Variants in PHEX observed in about 807,000 individuals in gnomAD.
PHEX encodes the protein phosphate regulating endopeptidase X-linked.
Under a neutral mutation model 68.0 loss-of-function variants are expected in PHEX, and 16 were observed. The ratio of observed to expected loss-of-function variants is 0.24; its 90% confidence interval spans 0.16 to 0.36. The LOEUF (loss-of-function observed/expected upper bound fraction) is 0.36. Ranked by LOEUF, PHEX falls within the 10% of genes least tolerant of loss-of-function variation. The pLI, the probability that PHEX is intolerant of heterozygous loss-of-function variation, is 1.00. For synonymous variants in PHEX, 208 were observed against 205.1 expected (o/e 1.01, Z -0.12); for missense variants, 480 against 575.5 (o/e 0.83, Z 1.70).
chrX:22,062,921 T>C (rs763197423), intron 3 of PHEX, among the ~76,000 whole-genome samples: 4 of 110,763 alleles, frequency 3.6e-5, no homozygotes, highest in African/African-American at 1.3e-4. Flanking sequence ...CCACCATGCC[T>C]GGCTAATTTT....
At chrX:22,201,824 A>C (rs957554205) in intron 15 of PHEX, among the ~76,000 whole-genome samples, 1 of 111,524 alleles carries the variant, frequency 9.0e-6, no homozygotes, top group Non-Finnish European at 1.9e-5. Flanking sequence ...AACCTGATTA[A>C]AGACAGGATG....
intron 18 of PHEX, among the ~76,000 whole-genome samples, chrX:22,226,074 C>G (rs1385887336): frequency 8.9e-6 from 1 of 112,060 alleles, no homozygotes; most frequent in Non-Finnish European, 1.9e-5. Flanking sequence ...GAAGAATACT[C>G]AAATTATGTG....
chrX:22,224,618 G>T (rs148329473), intron 18 of PHEX, among the ~76,000 whole-genome samples: 3,465 of 110,925 alleles, frequency 0.031, 136 homozygotes, highest in African/African-American at 0.11. Flanking sequence ...CTACACTCTC[G>T]GAGCTTTAGA....
At chrX:22,089,974 T>C (rs918719798) in intron 5 of PHEX, among the ~76,000 whole-genome samples, 3 of 112,259 alleles carry the variant, frequency 2.7e-5, no homozygotes, top group African/African-American at 6.5e-5. Flanking sequence ...TCTATACAGA[T>C]TGGCATTTTG....
At chrX:22,048,433 T>C (rs1927646449) in intron 3 of PHEX, among the ~76,000 whole-genome samples, 1 of 111,561 alleles carries the variant, frequency 9.0e-6, no homozygotes, top group Admixed American at 9.6e-5. Context: ...ATTTCCTATT[T>C]CCCTTCTCTG....
At chrX:22,072,474 T>G (rs1428662456) in intron 3 of PHEX, among the ~76,000 whole-genome samples, 1 of 111,900 alleles carries the variant, frequency 8.9e-6, no homozygotes, top group Non-Finnish European at 1.9e-5. Flanking sequence ...GGCAGAGATT[T>G]CTTGAACGGG....
chrX:22,087,627 G>A (rs773219723), intron 5 of PHEX, among the ~76,000 whole-genome samples: 7 of 111,746 alleles, frequency 6.3e-5, no homozygotes, highest in Admixed American at 1.9e-4. Flanking sequence ...ATAGTAAGAC[G>A]AAAAAGAAGC....
chrX:22,133,496 G>C, intron 11 of PHEX, 27 bp from the exon 12 acceptor site: 1 of 1,139,810 alleles, frequency 8.8e-7, no homozygotes, highest in Non-Finnish European at 1.2e-6. Flanking sequence ...TGGCTTTGAC[G>C]TTCCCTCTTT....
At chrX:22,220,171 A>G (rs1353302990) in intron 17 of PHEX, among the ~76,000 whole-genome samples, 1 of 111,340 alleles carries the variant, frequency 9.0e-6, no homozygotes, top group East Asian at 2.8e-4. Flanking sequence ...ATACCCACAC[A>G]GTGATTTACA....
At position 22,196,529 on chromosome X, in the gene PHEX, T is replaced by C. The variant is rs193135851; in HGVS notation, c.1645+6027T>C. ...AAAACAGGTGGCAATATTCAGGTAG[T>C]GGTAGTGGTGGGAAGAGTGAACAGC... is the stretch of plus-strand genomic sequence containing the variant. On this transcript the variant is annotated intron_variant, in intron 15 of 21. Transcript: ENST00000379374. Among the ~76,000 whole-genome samples the C allele has an allele frequency of 2.7e-5, 3 of 112,414 alleles. No homozygotes were observed. The East Asian group carries it at 8.4e-4, about 31-fold the overall frequency.
intron 13 of PHEX, among the ~76,000 whole-genome samples, chrX:22,175,963 A>G (rs1440278103): frequency 6.3e-5 from 7 of 111,723 alleles, no homozygotes; most frequent in Admixed American, 5.8e-4. Context: ...AGGGTTGAAC[A>G]GTGGACACAT....
Position 22,133,397 on chromosome X carries a change from C to G in PHEX, c.1303-126C>G, listed in dbSNP as rs1024334753. 10 of 524,450 alleles carry G rather than the reference C, an allele frequency of 1.9e-5. No individual in the cohort carries two copies. In the Admixed American group the frequency reaches 2.0e-4, roughly 10 times the overall value. 43.2% of individuals were successfully genotyped at this position (524,450 alleles called of 1,213,427 possible). A position where few individuals can be genotyped will look rare whatever the true frequency, so the allele number is the denominator to read the frequency against. On this transcript the variant is annotated intron_variant, in intron 11 of 21. Transcript: ENST00000379374. Reference sequence around the variant, plus strand: ...AGTGTTGCCAGAGCATGGAGTCAAGCTGAAAGAACCCCTTACTTACCATGT... The same window carrying G: ...AGTGTTGCCAGAGCATGGAGTCAAGGTGAAAGAACCCCTTACTTACCATGT...
intron 2 of PHEX, among the ~76,000 whole-genome samples, chrX:22,042,685 C>T (rs906477799): frequency 9.0e-6 from 1 of 110,932 alleles, no homozygotes; most frequent in Non-Finnish European, 1.9e-5. Flanking sequence ...CCTGGGAGGC[C>T]GAGGCAGGAC....
chrX:22,210,933 A>G (rs1272682163), intron 15 of PHEX, among the ~76,000 whole-genome samples: 1 of 109,218 alleles, frequency 9.2e-6, no homozygotes, highest in Non-Finnish European at 1.9e-5. Flanking sequence ...GTGTTCTGAC[A>G]TGGAGGAGAG....
In PHEX at chrX:22,065,246, C is replaced by T. The variant is rs750510372; in HGVS notation, c.350-11142C>T. 3.6e-5 allele frequency among the ~76,000 whole-genome samples: 4 copies of T among 111,670 alleles called. No individual in the cohort carries two copies. In the Admixed American group the frequency reaches 3.8e-4, roughly 11 times the overall value. ...TGAACAGTTAAAATAGGTGTAGGGA[C>T]TGATATTTATGAAAGAGAGCAGCAC... On this transcript the variant is annotated intron_variant, in intron 3 of 21. Coordinates refer to ENST00000379374, the MANE Select transcript of PHEX (RefSeq NM_000444.6).
chrX:22,185,756 G>GTTTTTTTTTTTTTTTTTTTTTTTTTTTT (rs3085228), intron 14 of PHEX, among the ~76,000 whole-genome samples: 1 of 87,796 alleles, frequency 1.1e-5, no homozygotes, highest in Admixed American at 1.2e-4. Flanking sequence ...CTCGTTTGTG[G>GTTTTTTTTTTTTTTTTTTTTTTTTTTTT]TTTTTTTTTT....
At chrX:22,220,049 G>A (rs930646961) in intron 17 of PHEX, among the ~76,000 whole-genome samples, 7 of 112,229 alleles carry the variant, frequency 6.2e-5, no homozygotes, top group Non-Finnish European at 1.1e-4. Context: ...TCCTTTGAGA[G>A]TCCTCATCAT....
intron 17 of PHEX, among the ~76,000 whole-genome samples, chrX:22,221,244 C>CTGAT (rs1935258783): frequency 1.8e-5 from 2 of 112,059 alleles, no homozygotes; most frequent in African/African-American, 6.5e-5. Flanking sequence ...TAGTAATGCT[C>CTGAT]TGATTGCCTC....
At chrX:22,168,198 A>G (rs1242050900) in intron 12 of PHEX, 114 bp from the exon 13 acceptor site, 1 of 583,340 alleles carries the variant, frequency 1.7e-6, no homozygotes, top group African/African-American at 2.2e-5. Flanking sequence ...GCTTGCATAT[A>G]GTAGATATTC....
Sources: allele counts gnomAD v4.1 joint callset (sites outside exome capture counted in the v4.1 genomes callset), GRCh38; gene constraint gnomAD v4.1.1; transcripts MANE v1.5; gene names NCBI Gene and HGNC (gene_info 2026-07-23, HGNC 2026-07-21).